Variants in KMT2C observed in about 807,000 individuals in gnomAD.
KMT2C encodes the protein lysine methyltransferase 2C.
Under a neutral mutation model 507.9 loss-of-function variants are expected in KMT2C, and 88 were observed. The observed-to-expected ratio is 0.17, with a 90% confidence interval of 0.15 to 0.21. The LOEUF (loss-of-function observed/expected upper bound fraction) is 0.21, where lower values mean the gene tolerates loss of function less well. Ranked by LOEUF, KMT2C falls within the 10% of genes least tolerant of loss-of-function variation. The probability of loss-of-function intolerance (pLI) is 1.00; values close to 1 mark genes in which losing one functional copy is unlikely to be tolerated. For synonymous variants in KMT2C, 2,049 were observed against 2,080.8 expected, an observed-to-expected ratio of 0.98 and a Z score of 0.42; for missense variants, 4,954 against 5,957.8, an observed-to-expected ratio of 0.83 and a Z score of 5.55.
At chr7:152,202,181 C>T (rs191732625) in intron 26 of KMT2C, among the ~76,000 whole-genome samples, 1 of 152,212 alleles carries the variant, frequency 6.6e-6, no homozygotes, top group East Asian at 1.9e-4. Context: ...ATGAGGATGG[C>T]CTCTCAATGA....
At chr7:152,200,234 A>G (rs1238502701) in intron 26 of KMT2C, among the ~76,000 whole-genome samples, 1 of 152,226 alleles carries the variant, frequency 6.6e-6, no homozygotes, top group Non-Finnish European at 1.5e-5. Context: ...TGCACAAAAA[A>G]GTTCACTGTA....
In KMT2C at chr7:152,311,933, G is replaced by T. The variant is rs2096675391; in HGVS notation, c.604C>A (p.Gln202Lys). ...CTTACACAAGATACTATATTCTGCT[G>T]AGGAGATCGTTCTCTGAAAATAAAA... ...QRGQRKERSP[Q>K]QNIVSCVSVS... The change falls in exon 5 of 59, where the codon CAG becomes AAG. Residue 202 changes from glutamine (Q) to lysine (K), a missense_variant. Around this residue, in one of 29 missense-constraint regions of KMT2C, gnomAD observed 233 missense variants for 263.6 expected, o/e 0.88. Transcript: ENST00000262189. 1 of 1,570,112 alleles carries T rather than the reference G, an allele frequency of 6.4e-7. No homozygotes were observed. The highest frequency in any genetic ancestry group is 1.8e-5 in the Admixed American group (1 of 56,848).
At chr7:152,195,509 C>T (rs1588116675) in intron 28 of KMT2C, 1 of 983,596 alleles carries the variant, frequency 1.0e-6, no homozygotes, top group East Asian at 1.1e-4. Context: ...TCATCCATTG[C>T]TCAGTTTCTT....
In KMT2C at chr7:152,162,672, T is replaced by A. The variant is rs755839461; in HGVS notation, c.10905A>T (p.Pro3635=). The A allele has an allele frequency of 6.2e-7, 1 of 1,614,210 alleles. No individual in the cohort carries two copies. Among genetic ancestry groups the A allele is most frequent in the Non-Finnish European group, 8.5e-7 (1 of 1,180,012 alleles). ...GAGTAGAGGTAGTTTCTGAGATGCC[T>A]GGAGTCGGTGGGGCAGTTATATCTG... is the stretch of plus-strand genomic sequence containing the variant. ...PHSDITAPPT[P]GISETTSTPA... The change falls in exon 43 of 59, where the codon CCA becomes CCT. Residue 3635 remains proline, a synonymous_variant. Coordinates refer to ENST00000262189, the MANE Select transcript of KMT2C (RefSeq NM_170606.3).
chr7:152,423,520 T>C (rs963221936), intron 1 of KMT2C, among the ~76,000 whole-genome samples: 3 of 152,200 alleles, frequency 2.0e-5, no homozygotes, highest in Non-Finnish European at 2.9e-5. Flanking sequence ...TGTAATGTAA[T>C]TGGGACTTTA....
chr7:152,262,819 A>G (rs2095802125), intron 9 of KMT2C, among the ~76,000 whole-genome samples, 197 bp downstream of exon 9: 1 of 152,198 alleles, frequency 6.6e-6, no homozygotes, highest in South Asian at 2.1e-4. Context: ...AAGAGGCACC[A>G]GGAAACTTTT....
chr7:152,266,987 G>C (rs1356575002), intron 7 of KMT2C, among the ~76,000 whole-genome samples: 3 of 152,098 alleles, frequency 2.0e-5, no homozygotes, highest in African/African-American at 7.2e-5. Flanking sequence ...TGCATTGCTA[G>C]CCACTCCCAC....
At chr7:152,357,177 A>ATGG in intron 2 of KMT2C, among the ~76,000 whole-genome samples, 1 of 151,244 alleles carries the variant, frequency 6.6e-6, no homozygotes, top group Non-Finnish European at 1.5e-5. Context: ...CAGTGAGCCG[A>ATGG]GATCACACCA....
intron 1 of KMT2C, among the ~76,000 whole-genome samples, chr7:152,417,248 A>T (rs1482784382): frequency 6.6e-6 from 1 of 152,062 alleles, no homozygotes; most frequent in Non-Finnish European, 1.5e-5. Context: ...CCTCCCAAGT[A>T]GCTGGGATTA....
chr7:152,252,605 A>T lies in KMT2C; in HGVS notation c.1410T>A (p.Cys470Ter). 1 of 1,613,666 alleles carries T rather than the reference A, an allele frequency of 6.2e-7. No individual in the cohort carries two copies. The highest frequency in any genetic ancestry group is 8.5e-7 in the Non-Finnish European group (1 of 1,179,672). Reference protein sequence around the residue: ...YQQQDNLCPFCGKCYHPELQK... With the variant: ...YQQQDNLCPF ...GCAATTCTGGATGATAACACTTCCC[A>T]CAGAAGGGACATAAGTTATCCTGCT... The change falls in exon 10 of 59, where the codon TGT becomes TGA. Residue 470 changes from cysteine to a stop codon, truncating the protein, a stop_gained. Coordinates refer to ENST00000262189, the MANE Select transcript of KMT2C (RefSeq NM_170606.3). LOFTEE classifies it high-confidence loss of function.
chr7:152,164,439 G>A (rs1049186405), intron 42 of KMT2C, among the ~76,000 whole-genome samples: 28 of 151,780 alleles, frequency 1.8e-4, no homozygotes, highest in East Asian at 1.9e-4. Context: ...ACAGGCGCCC[G>A]CTACCACGCC....
At chr7:152,179,659 TGG>T (rs55814405) in intron 37 of KMT2C, among the ~76,000 whole-genome samples, 173 bp downstream of exon 37, 18,741 of 66,224 alleles carry the variant, frequency 0.28, 2,363 homozygotes, top group Middle Eastern at 0.39. Flanking sequence ...TTGAAGAGGT[TGG>T]GGGGGGGGGG....
intron 1 of KMT2C, among the ~76,000 whole-genome samples, chr7:152,421,309 A>C (rs60238147): frequency 6.6e-6 from 1 of 152,362 alleles, no homozygotes; most frequent in East Asian, 1.9e-4. Context: ...AATGTTAATT[A>C]GTTCAGCCAC....
intron 1 of KMT2C, among the ~76,000 whole-genome samples, chr7:152,374,508 A>C (rs1023006325): frequency 2.0e-5 from 3 of 152,234 alleles, no homozygotes; most frequent in African/African-American, 7.2e-5. Context: ...AATGGAAATG[A>C]AAGCAAGGAG....
At chr7:152,322,001 T>G (rs1309032830) in intron 3 of KMT2C, among the ~76,000 whole-genome samples, 1 of 151,616 alleles carries the variant, frequency 6.6e-6, no homozygotes, top group Non-Finnish European at 1.5e-5. Flanking sequence ...TGCATCACCC[T>G]GTCTGATTTC....
At chr7:152,269,615 C>A (rs2095921918) in intron 7 of KMT2C, among the ~76,000 whole-genome samples, 2 of 151,832 alleles carry the variant, frequency 1.3e-5, no homozygotes, top group Non-Finnish European at 2.9e-5. Flanking sequence ...TTTAAAAGGG[C>A]AGAGGAGTAA....
At chr7:152,421,361 A>C (rs1228401828) in intron 1 of KMT2C, among the ~76,000 whole-genome samples, 1 of 152,200 alleles carries the variant, frequency 6.6e-6, no homozygotes, top group African/African-American at 2.4e-5. Flanking sequence ...ACTGAGAACT[A>C]CCATTCAATC....
chr7:152,304,232 A>G (rs2096595783), intron 6 of KMT2C, among the ~76,000 whole-genome samples: 1 of 152,228 alleles, frequency 6.6e-6, no homozygotes, highest in Non-Finnish European at 1.5e-5. Flanking sequence ...TTAAAAAAAC[A>G]GGTTCTCCCC....
chr7:152,428,513 C>T (rs2097842351), intron 1 of KMT2C, among the ~76,000 whole-genome samples: 1 of 149,226 alleles, frequency 6.7e-6, no homozygotes, highest in Non-Finnish European at 1.5e-5. Flanking sequence ...TGCCTGTAAT[C>T]CTGGCTACTC....
Sources: gnomAD v4.1 joint callset for allele counts (sites outside exome capture counted in the v4.1 genomes callset) on GRCh38, gnomAD v4.1.1 for gene constraint, gnomAD v4.1.1 regional missense constraint, MANE v1.5 for transcripts, NCBI Gene and HGNC (gene_info 2026-07-23, HGNC 2026-07-21) for gene names.